ENAH: variants seen among roughly 807,000 people sequenced by gnomAD.
ENAH encodes the protein ENAH actin regulator.
A neutral mutation model predicts 78.7 loss-of-function variants in ENAH; 23 were observed. The ratio of observed to expected loss-of-function variants is 0.29; its 90% CI spans 0.21 to 0.41. The LOEUF (loss-of-function observed/expected upper bound fraction) is 0.41, where lower values mean the gene tolerates loss of function less well. ENAH is among the 10% of genes least tolerant of loss of function. The pLI is 1.00. For synonymous variants in ENAH, 226 were observed against 241.0 expected (o/e 0.94, Z 0.58); for missense variants, 544 against 691.0 (o/e 0.79, Z 2.39).
At position 225,567,340 on chromosome 1, in the gene ENAH, C is replaced by A. The variant is rs370799885; in HGVS notation, c.80G>T (p.Gly27Val). 3.1e-6 allele frequency: 5 copies of A among 1,613,962 alleles called. No homozygotes were observed. Among genetic ancestry groups the A allele is most frequent in the Non-Finnish European group, 4.2e-6 (5 of 1,179,980 alleles). Residue 27 changes from glycine (G) to valine (V), a missense_variant, in exon 2 of 14, where the codon GGT (glycine) becomes GTT (valine). This residue lies in a region of ENAH where 77 missense variants were observed against 151.8 expected (regional missense o/e 0.51). Coordinates refer to ENST00000366843, the MANE Select transcript of ENAH (RefSeq NM_018212.6). ...AACTCTGCTGAATCCAGTTGAGCCACCAGCTGGCACCCACTTCTTATTGGC... is the reference window on the plus strand; with the variant it reads ...AACTCTGCTGAATCCAGTTGAGCCAACAGCTGGCACCCACTTCTTATTGGC... ...DDANKKWVPA[G>V]GSTGFSRVHI...
intron 2 of ENAH, among the ~76,000 whole-genome samples, chr1:225,561,611 A>G (rs1371450355): frequency 6.6e-6 from 1 of 151,154 alleles, no homozygotes; most frequent in Non-Finnish European, 1.5e-5. Flanking sequence ...ACAGAGTGAG[A>G]TTCCGTCTTA....
rs1558679598 is a variant in ENAH, at chr1:225,488,194, AT to A, written c.*9580del. 6.6e-6 allele frequency: 1 copy of A among 151,770 alleles called. No individual in the cohort carries two copies. The highest frequency in any genetic ancestry group is 2.4e-5 in the African/African-American group (1 of 41,326). The allele number at this position is 151,770 out of a possible 1,614,324, so 9.4% of individuals were successfully genotyped here. On this transcript the variant is annotated 3_prime_UTR_variant, in exon 14 of 14. Transcript: ENST00000366843. Reference sequence around the variant, plus strand: ...TTATTTATTTATTATTTATTTATTTATTTTTTAAGGAGACAGGCCTCGCTAT... The same window carrying A: ...TTATTTATTTATTATTTATTTATTTATTTTTAAGGAGACAGGCCTCGCTAT...
chr1:225,501,008 T>C lies in ENAH; in HGVS notation c.1601A>G (p.Tyr534Cys). Residue 534 changes from tyrosine (Y) to cysteine (C), a missense_variant, in exon 12 of 14, where the codon TAT becomes TGT. Around this residue, in one of 4 missense-constraint regions of ENAH, gnomAD observed 97 missense variants for 124.4 expected, o/e 0.78. Transcript: ENST00000366843. Reference protein sequence around the residue: ...ANGVQTEGLDYDRLKQDILDE... With the variant: ...ANGVQTEGLDCDRLKQDILDE... ...AGCACCCACCTGCTTCAGCCTGTCA[T>C]AGTCAAGTCCTTCCGTCTGGACTCC... The C allele has an allele frequency of 5.0e-6, 8 of 1,614,116 alleles. No homozygotes were observed. The highest frequency in any genetic ancestry group is 6.8e-6 in the Non-Finnish European group (8 of 1,179,974).
At chr1:225,625,729 T>C (rs894085557) in intron 1 of ENAH, among the ~76,000 whole-genome samples, 1 of 152,186 alleles carries the variant, frequency 6.6e-6, no homozygotes, top group Admixed American at 6.5e-5. Flanking sequence ...TTGGTCAGAC[T>C]GGTCTCAAAC....
At chr1:225,624,519 G>A (rs896945688) in intron 1 of ENAH, among the ~76,000 whole-genome samples, 1 of 152,068 alleles carries the variant, frequency 6.6e-6, no homozygotes, top group African/African-American at 2.4e-5. Context: ...AGCTACTTGG[G>A]AGGCTGAGGA....
chr1:225,606,145 C>T (rs982531736), intron 1 of ENAH, among the ~76,000 whole-genome samples: 1 of 152,024 alleles, frequency 6.6e-6, no homozygotes, highest in African/African-American at 2.4e-5. Flanking sequence ...AAAAAAAATA[C>T]ACCTGAATGT....
chr1:225,630,817 T>C (rs1658879523), intron 1 of ENAH, among the ~76,000 whole-genome samples: 2 of 152,244 alleles, frequency 1.3e-5, no homozygotes. Flanking sequence ...AAACTTCTGA[T>C]GTTCAAATTA....
At chr1:225,630,357 G>A (rs151027229) in intron 1 of ENAH, among the ~76,000 whole-genome samples, 301 of 152,226 alleles carry the variant, frequency 2.0e-3, no homozygotes, top group African/African-American at 6.9e-3. Flanking sequence ...TTTGAATTCC[G>A]GCTCCACTAA....
At chr1:225,573,117 A>G (rs1376539592) in intron 1 of ENAH, among the ~76,000 whole-genome samples, 2 of 152,218 alleles carry the variant, frequency 1.3e-5, no homozygotes, top group African/African-American at 4.8e-5. Flanking sequence ...AAGCAGACTA[A>G]GGATTGCTAG....
chr1:225,554,383 G>A (rs994674392), intron 3 of ENAH, among the ~76,000 whole-genome samples: 1 of 151,910 alleles, frequency 6.6e-6, no homozygotes, highest in Admixed American at 6.6e-5. Context: ...ACTATCAGAG[G>A]AGATGCAATT....
chr1:225,597,419 A>G (rs1425370505), intron 1 of ENAH, among the ~76,000 whole-genome samples: 1 of 152,114 alleles, frequency 6.6e-6, no homozygotes, highest in Non-Finnish European at 1.5e-5. Flanking sequence ...CAACACCTTG[A>G]GAGGCCGAGG....
chr1:225,561,488 G>A (rs960646796), intron 2 of ENAH, among the ~76,000 whole-genome samples: 40 of 151,776 alleles, frequency 2.6e-4, no homozygotes, highest in African/African-American at 8.5e-4. Context: ...CAGGTGTGGT[G>A]GCACATGCCT....
At chr1:225,564,444 A>G (rs1336974247) in intron 2 of ENAH, among the ~76,000 whole-genome samples, 1 of 146,720 alleles carries the variant, frequency 6.8e-6, no homozygotes, top group South Asian at 2.1e-4. Flanking sequence ...ATGCACCACC[A>G]TGCCCGACTA....
intron 1 of ENAH, among the ~76,000 whole-genome samples, chr1:225,601,381 G>A (rs1267894601): frequency 1.3e-5 from 2 of 152,090 alleles, no homozygotes; most frequent in African/African-American, 4.8e-5. Flanking sequence ...AGCCGGGTGT[G>A]GTGGCGGACG....
chr1:225,586,822 G>A (rs751414531), intron 1 of ENAH, among the ~76,000 whole-genome samples: 5 of 151,978 alleles, frequency 3.3e-5, no homozygotes, highest in East Asian at 1.9e-4. Flanking sequence ...GCAGGAGTTC[G>A]AGACCAGCCT....
chr1:225,515,030 T>C, intron 6 of ENAH, 130 bp from the exon 7 acceptor site: 1 of 775,412 alleles, frequency 1.3e-6, no homozygotes, highest in Non-Finnish European at 2.2e-6. Flanking sequence ...GTCCAATTTA[T>C]CATAGTTGTA....
chr1:225,647,453 T>A (rs1354119931), intron 1 of ENAH, among the ~76,000 whole-genome samples: 1 of 152,174 alleles, frequency 6.6e-6, no homozygotes, highest in Non-Finnish European at 1.5e-5. Flanking sequence ...ATCCTGACAC[T>A]TGTAGCCACT....
intron 3 of ENAH, among the ~76,000 whole-genome samples, chr1:225,539,920 C>G (rs1290688503): frequency 2.6e-5 from 4 of 152,140 alleles, no homozygotes; most frequent in African/African-American, 9.7e-5. Context: ...ATAATTAGTT[C>G]TTCTTTCACT....
At chr1:225,579,590 A>G (rs1388455153) in intron 1 of ENAH, among the ~76,000 whole-genome samples, 1 of 152,208 alleles carries the variant, frequency 6.6e-6, no homozygotes, top group African/African-American at 2.4e-5. Flanking sequence ...AGATACAGAT[A>G]GAGATTCACA....
Sources: allele counts gnomAD v4.1 joint callset (sites outside exome capture counted in the v4.1 genomes callset), GRCh38; gene constraint gnomAD v4.1.1; regional missense constraint gnomAD v4.1.1; transcripts MANE v1.5; gene names NCBI Gene and HGNC (gene_info 2026-07-23, HGNC 2026-07-21).